SCD5: variants seen among roughly 807,000 people sequenced by gnomAD.
SCD5 encodes the protein acyl-CoA-desaturase 4.
Under a neutral mutation model 30.4 loss-of-function variants are expected in SCD5, and 20 were observed. That is an observed-to-expected ratio of 0.66 (90% CI 0.46 to 0.96). The LOEUF (loss-of-function observed/expected upper bound fraction) is 0.96, where lower values mean the gene tolerates loss of function less well. Ranked by LOEUF, SCD5 falls within the 40% of genes least tolerant of loss-of-function variation. The probability of loss-of-function intolerance (pLI) is 0.00; values close to 1 mark genes in which losing one functional copy is unlikely to be tolerated. For missense variants in SCD5, 381 were observed against 443.3 expected, an observed-to-expected ratio of 0.86 and a Z score of 1.26; for synonymous variants, 173 against 176.4, an observed-to-expected ratio of 0.98 and a Z score of 0.16.
chr4:82,645,290 G>A (rs868269680), intron 3 of SCD5, among the ~76,000 whole-genome samples: 2 of 150,890 alleles, frequency 1.3e-5, no homozygotes, highest in South Asian at 2.1e-4. Flanking sequence ...CTCCAGCCTG[G>A]GTGACAGAGT....
intron 1 of SCD5, among the ~76,000 whole-genome samples, chr4:82,729,628 T>C (rs1462667372): frequency 9.3e-6 from 1 of 107,490 alleles, no homozygotes; most frequent in Non-Finnish European, 1.8e-5. Context: ...TTCTTGAACA[T>C]GAAGGGAGCA....
At chr4:82,748,382 C>T (rs954332358) in intron 1 of SCD5, among the ~76,000 whole-genome samples, 2 of 152,100 alleles carry the variant, frequency 1.3e-5, no homozygotes, top group African/African-American at 4.8e-5. Flanking sequence ...TTATTTCTAC[C>T]CAGTGTTTCT....
chr4:82,633,499 G>A lies in SCD5; in HGVS notation c.803-1982C>T, dbSNP rs553380067. 3.3e-4 allele frequency among the ~76,000 whole-genome samples: 50 copies of A among 152,256 alleles called. No homozygotes were observed. The Middle Eastern group carries it at 0.01, about 31-fold the overall frequency. The stretch of plus-strand genomic sequence containing the variant: ...TTCATTTCCTTTGGATCTATACCCA[G>A]AAGTAGGATTGCGAGATCATATGGT... On this transcript the variant is annotated intron_variant, in intron 4 of 4. Coordinates refer to ENST00000319540, the MANE Select transcript of SCD5 (RefSeq NM_001037582.3).
intron 2 of SCD5, among the ~76,000 whole-genome samples, chr4:82,684,123 CAG>C: frequency 6.6e-6 from 1 of 152,190 alleles, no homozygotes; most frequent in Admixed American, 6.5e-5. Context: ...AAAGTTCAAA[CAG>C]AGATATTTAT....
chr4:82,740,892 G>A (rs1720858991), intron 1 of SCD5, among the ~76,000 whole-genome samples: 1 of 151,954 alleles, frequency 6.6e-6, no homozygotes, highest in Admixed American at 6.6e-5. Context: ...TATAGGGGAG[G>A]GTGAAAGACT....
intron 1 of SCD5, among the ~76,000 whole-genome samples, chr4:82,755,357 A>T (rs1489692005): frequency 6.6e-6 from 1 of 151,912 alleles, no homozygotes; most frequent in East Asian, 1.9e-4. Context: ...AAAATTAACT[A>T]GGCATGGTGG....
intron 3 of SCD5, among the ~76,000 whole-genome samples, chr4:82,646,581 C>T (rs1372806869): frequency 6.6e-6 from 1 of 152,150 alleles, no homozygotes; most frequent in Non-Finnish European, 1.5e-5. Context: ...AAGTTGTAAT[C>T]GAACTACTCT....
At chr4:82,787,514 C>T (rs1158565231) in intron 1 of SCD5, among the ~76,000 whole-genome samples, 1 of 152,220 alleles carries the variant, frequency 6.6e-6, no homozygotes, top group Non-Finnish European at 1.5e-5. Flanking sequence ...ACGCCCTCCG[C>T]TTCCTTCGAG....
In SCD5 at chr4:82,723,976, C is replaced by A. The variant is rs1013268; in HGVS notation, c.233-18563G>T. On this transcript the variant is annotated intron_variant, in intron 1 of 4. Coordinates refer to ENST00000319540, the MANE Select transcript of SCD5 (RefSeq NM_001037582.3). ...TATTAGATTAGGTTATGATAATATCCTTATTTTTAGGGGATGTGTATGGAA... is the reference window on the plus strand; with the variant it reads ...TATTAGATTAGGTTATGATAATATCATTATTTTTAGGGGATGTGTATGGAA... Among the ~76,000 whole-genome samples, 569 of 152,156 alleles carry A rather than the reference C, an allele frequency of 3.7e-3. 3 individuals are homozygous for A. The highest frequency in any genetic ancestry group is 0.013 in the African/African-American group (525 of 41,540).
chr4:82,716,721 G>A (rs1049938916), intron 1 of SCD5, among the ~76,000 whole-genome samples: 1 of 151,790 alleles, frequency 6.6e-6, no homozygotes, highest in Non-Finnish European at 1.5e-5. Flanking sequence ...GGCTGAGGCA[G>A]GAGAATCACT....
chr4:82,631,622 C>T (rs1727295904), intron 4 of SCD5, 105 bp from the exon 5 acceptor site: 2 of 1,222,804 alleles, frequency 1.6e-6, no homozygotes, highest in African/African-American at 3.0e-5. Flanking sequence ...GACATGGTGT[C>T]AGCCTCTGTG....
intron 1 of SCD5, among the ~76,000 whole-genome samples, chr4:82,750,451 T>A (rs1271252781): frequency 6.6e-6 from 1 of 152,132 alleles, no homozygotes; most frequent in South Asian, 2.1e-4. Flanking sequence ...CATTCAAAAT[T>A]AGAAGCAAAT....
At chr4:82,748,990 C>T (rs907027022) in intron 1 of SCD5, among the ~76,000 whole-genome samples, 1 of 152,182 alleles carries the variant, frequency 6.6e-6, no homozygotes, top group Non-Finnish European at 1.5e-5. Flanking sequence ...CTCCCCTGAG[C>T]TCTTATGGGG....
intron 1 of SCD5, among the ~76,000 whole-genome samples, chr4:82,727,262 A>C (rs1157811552): frequency 6.6e-6 from 1 of 152,220 alleles, no homozygotes; most frequent in African/African-American, 2.4e-5. Flanking sequence ...CACCACCTGC[A>C]TTGTCTCTGG....
chr4:82,741,231 C>T (rs1369165004), intron 1 of SCD5, among the ~76,000 whole-genome samples: 2 of 152,114 alleles, frequency 1.3e-5, no homozygotes, highest in Non-Finnish European at 2.9e-5. Context: ...AACCACTGCG[C>T]CCAGCCTCTT....
In SCD5 at chr4:82,788,549, C is replaced by T. The variant is rs538154452; in HGVS notation, c.232+9757G>A. Among the ~76,000 whole-genome samples the T allele has an allele frequency of 2.0e-5, 3 of 152,222 alleles. No individual in the cohort carries two copies. In the South Asian group the frequency reaches 6.2e-4, roughly 32 times the overall value. The stretch of plus-strand genomic sequence containing the variant: ...GGGATTACAAGTGTTCACGATCACT[C>T]CCAGCTAATTTTTGTATTTTTAGTA... On this transcript the variant is annotated intron_variant, in intron 1 of 4. Transcript: ENST00000319540.
At chr4:82,707,244 A>G (rs1719989519) in intron 1 of SCD5, among the ~76,000 whole-genome samples, 1 of 152,260 alleles carries the variant, frequency 6.6e-6, no homozygotes, top group Admixed American at 6.5e-5. Flanking sequence ...AAAGGTGCTA[A>G]ATCAATAGAA....
chr4:82,722,585 G>C (rs1225313941), intron 1 of SCD5, among the ~76,000 whole-genome samples: 1 of 152,030 alleles, frequency 6.6e-6, no homozygotes, highest in Non-Finnish European at 1.5e-5. Context: ...CCAACGTGGT[G>C]AAACACTAGG....
chr4:82,675,362 G>A (rs1728413731), intron 3 of SCD5, among the ~76,000 whole-genome samples: 2 of 152,252 alleles, frequency 1.3e-5, no homozygotes, highest in Admixed American at 6.5e-5. Flanking sequence ...ATTCTTGGGA[G>A]GTGGGAGAGA....
Sources: allele counts gnomAD v4.1 joint callset (sites outside exome capture counted in the v4.1 genomes callset), GRCh38; gene constraint gnomAD v4.1.1; transcripts MANE v1.5; gene names NCBI Gene and HGNC (gene_info 2026-07-23, HGNC 2026-07-21).